JAK1: variants seen among roughly 807,000 people sequenced by gnomAD.
The protein encoded by JAK1 is tyrosine-protein kinase JAK1.
In JAK1, 16 loss-of-function variants were observed where a neutral mutation model predicts 136.6. The observed-to-expected ratio is 0.12, with a 90% CI of 0.08 to 0.18. The LOEUF (loss-of-function observed/expected upper bound fraction) is 0.18. Among genes scored for constraint, JAK1 ranks in the 10% least tolerant of loss-of-function variants. The probability of loss-of-function intolerance (pLI) is 1.00; values close to 1 mark genes in which losing one functional copy is unlikely to be tolerated. For missense variants in JAK1, 859 were observed against 1,450.1 expected, an observed-to-expected ratio of 0.59 and a Z score of 6.62; for synonymous variants, 492 against 519.5, an observed-to-expected ratio of 0.95 and a Z score of 0.72.
intron 6 of JAK1, among the ~76,000 whole-genome samples, chr1:64,867,659 A>G (rs1196224260): frequency 1.3e-5 from 2 of 152,376 alleles, no homozygotes; most frequent in South Asian, 2.1e-4. Flanking sequence ...TGTCTGATTT[A>G]TAACTTTTCT....
At chr1:64,853,212 G>A (rs1317213463) in intron 11 of JAK1, among the ~76,000 whole-genome samples, 1 of 152,214 alleles carries the variant, frequency 6.6e-6, no homozygotes, top group Non-Finnish European at 1.5e-5. Flanking sequence ...GCAAAGGGAA[G>A]AGAGAGAGCT....
chr1:64,846,930 G>A, intron 13 of JAK1, 194 bp from the exon 14 acceptor site: 2 of 583,920 alleles, frequency 3.4e-6, no homozygotes, highest in Non-Finnish European at 6.1e-6. Context: ...CAACCTGGCA[G>A]GGATGTGAGG....
intron 1 of JAK1, among the ~76,000 whole-genome samples, chr1:65,047,755 T>G (rs1188056400): frequency 6.6e-6 from 1 of 151,956 alleles, no homozygotes. Flanking sequence ...GCACAGAGCT[T>G]ACATTCTAGT....
rs2100993367 is a variant in JAK1, at chr1:64,844,726, G to C, written c.2251+28C>G. The C allele has an allele frequency of 6.2e-7, 1 of 1,613,730 alleles. No individual in the cohort carries two copies. Among genetic ancestry groups the C allele is most frequent in the Non-Finnish European group, 8.5e-7 (1 of 1,179,942 alleles). On this transcript the variant is annotated intron_variant, in intron 16 of 24. Transcript: ENST00000342505. This position sits in a 1 kb window ranked among gnomAD's most constrained non-coding sequence, Gnocchi z 5.7. ...CTGACTTGCCCCTGACTCGGGGTGG[G>C]GCCAGAGGGAAGAGAGGGGAGACAC...
At chr1:64,909,072 A>T (rs1645238458) in intron 1 of JAK1, among the ~76,000 whole-genome samples, 1 of 152,244 alleles carries the variant, frequency 6.6e-6, no homozygotes, top group Admixed American at 6.5e-5. Context: ...ATCTAGCATT[A>T]TGCTAGCTAT....
At chr1:64,877,432 C>A (rs1254666085) in intron 4 of JAK1, among the ~76,000 whole-genome samples, 1 of 152,068 alleles carries the variant, frequency 6.6e-6, no homozygotes, top group Non-Finnish European at 1.5e-5. Flanking sequence ...AGCAACCCTG[C>A]ACTTCCAGGC....
intron 20 of JAK1, chr1:64,839,372 G>A: frequency 2.3e-6 from 1 of 429,966 alleles, no homozygotes; most frequent in Non-Finnish European, 4.1e-6. Flanking sequence ...GACGTGGAGA[G>A]ACAGTGCTGG....
chr1:64,886,940 C>T (rs1256033687), intron 1 of JAK1, among the ~76,000 whole-genome samples: 1 of 152,216 alleles, frequency 6.6e-6, no homozygotes, highest in Non-Finnish European at 1.5e-5. Flanking sequence ...CCTCAGTTTT[C>T]TGTCTGGCCA....
intron 24 of JAK1, among the ~76,000 whole-genome samples, chr1:64,834,963 T>C (rs1279338002): frequency 6.6e-6 from 1 of 152,212 alleles, no homozygotes; most frequent in African/African-American, 2.4e-5. Context: ...CCAGACTGGC[T>C]GCCTCACTCT....
chr1:64,938,723 A>G (rs950759160), intron 1 of JAK1, among the ~76,000 whole-genome samples: 6 of 152,220 alleles, frequency 3.9e-5, no homozygotes, highest in Non-Finnish European at 8.8e-5. Context: ...CTCAACTAAA[A>G]GTAGAGTTCA....
intron 1 of JAK1, among the ~76,000 whole-genome samples, chr1:65,053,578 T>C (rs1647391545): frequency 6.6e-6 from 1 of 151,938 alleles, no homozygotes. Flanking sequence ...CAAGCCAATG[T>C]GGTGGCCTAG....
intron 1 of JAK1, among the ~76,000 whole-genome samples, chr1:64,955,030 G>A (rs1646158263): frequency 6.6e-6 from 1 of 152,110 alleles, no homozygotes; most frequent in South Asian, 2.1e-4. Flanking sequence ...TTACAAAACT[G>A]TACCACCTAT....
At chr1:64,994,734 G>T (rs571667925) in intron 2 of JAK1, among the ~76,000 whole-genome samples, 2 of 152,236 alleles carry the variant, frequency 1.3e-5, no homozygotes, top group Admixed American at 6.5e-5. Flanking sequence ...GAATGGCCGA[G>T]AAGTGATTTG....
intron 1 of JAK1, among the ~76,000 whole-genome samples, chr1:65,065,135 A>AT (rs1421133225): frequency 6.6e-6 from 1 of 152,106 alleles, no homozygotes; most frequent in Admixed American, 6.5e-5. Flanking sequence ...AGGTAGTTCT[A>AT]TTTTGAGCCT....
chr1:64,973,088 C>G (rs900194814), intron 2 of JAK1: 2 of 149,456 alleles, frequency 1.3e-5, no homozygotes, highest in African/African-American at 4.9e-5. Flanking sequence ...CCACTGCACT[C>G]CAGCCTGGGC....
intron 2 of JAK1, among the ~76,000 whole-genome samples, chr1:65,029,871 A>G (rs1407011227): frequency 6.6e-6 from 1 of 152,194 alleles, no homozygotes; most frequent in Non-Finnish European, 1.5e-5. Context: ...GTGTGTAATG[A>G]AATAATCTGT....
chr1:64,952,791 G>C (rs1177929871), intron 1 of JAK1, among the ~76,000 whole-genome samples: 1 of 152,212 alleles, frequency 6.6e-6, no homozygotes, highest in African/African-American at 2.4e-5. Flanking sequence ...GTAAATAATA[G>C]TGGTAAACTC....
intron 5 of JAK1, among the ~76,000 whole-genome samples, chr1:64,871,943 G>A (rs572698348): frequency 1.3e-5 from 2 of 152,248 alleles, no homozygotes; most frequent in Non-Finnish European, 2.9e-5. Flanking sequence ...CCACACTCAG[G>A]GTTAAAGCAT....
rs536809320 is a variant in JAK1, at chr1:64,995,866, G to T, written c.-78+48614C>A. Among the ~76,000 whole-genome samples, 7 of 152,184 alleles carry T rather than the reference G, an allele frequency of 4.6e-5. No homozygotes were observed. The South Asian group carries it at 1.2e-3, about 27-fold the overall frequency. On this transcript the variant is annotated intron_variant, in intron 2 of 25. Coordinates refer to the JAK1 transcript ENST00000671954. ...TGATCCTCCCACCTCAGCCTCCTGA[G>T]TAGCCGGGACTACAGCTGTGCGCCA...
Sources: allele counts gnomAD v4.1 joint callset (sites outside exome capture counted in the v4.1 genomes callset), GRCh38; gene constraint gnomAD v4.1.1; non-coding constraint Gnocchi (gnomAD v3.1); transcripts MANE v1.5; gene names NCBI Gene and HGNC (gene_info 2026-07-23, HGNC 2026-07-21).